The following SPOCK3 variants were observed in gnomAD, a reference collection of about 807,000 sequenced individuals.
SPOCK3 encodes the protein SPARC (osteonectin), cwcv and kazal like domains proteoglycan 3.
In SPOCK3, 30 loss-of-function variants were observed where a neutral mutation model predicts 56.6. The observed-to-expected ratio is 0.53, with a 90% CI of 0.40 to 0.72. The LOEUF (loss-of-function observed/expected upper bound fraction) is 0.72. SPOCK3 is among the 30% of genes least tolerant of loss of function. The pLI is 0.00. For missense variants in SPOCK3, 527 were observed against 530.0 expected (o/e 0.99, Z 0.06); for synonymous variants, 196 against 183.3 (o/e 1.07, Z -0.56).
intron 7 of SPOCK3, among the ~76,000 whole-genome samples, chr4:166,766,647 CTCT>C (rs1738106590): frequency 6.6e-6 from 1 of 152,150 alleles, no homozygotes; most frequent in Non-Finnish European, 1.5e-5. Flanking sequence ...GTCTAAAATT[CTCT>C]TTTTTTGCTG....
At chr4:167,058,588 T>C (rs369261709) in intron 3 of SPOCK3, among the ~76,000 whole-genome samples, 1 of 152,126 alleles carries the variant, frequency 6.6e-6, no homozygotes, top group East Asian at 1.9e-4. Flanking sequence ...AGGTAATTTA[T>C]AGATTCAATG....
Position 167,091,603 on chromosome 4 carries a change from C to T in SPOCK3, c.190-29066G>A, listed in dbSNP as rs1053651807. ...CATTAGGATATAATTTATTTAATAC[C>T]GTGTTGGACACAACTTTTTACATGT... On this transcript the variant is annotated intron_variant, in intron 2 of 10. Transcript: ENST00000357545. Among the ~76,000 whole-genome samples, 4 of 152,110 alleles carry T rather than the reference C, an allele frequency of 2.6e-5. No homozygotes were observed. The South Asian group carries it at 8.3e-4, about 32-fold the overall frequency.
chr4:166,903,715 G>A lies in SPOCK3; in HGVS notation c.474+8905C>T, dbSNP rs77541370. On this transcript the variant is annotated intron_variant, in intron 5 of 10. Transcript: ENST00000357545. ...TGTTACCTTCTAGTTTCATTTGGCT[G>A]TTTATTTGGCTTGCTTCAGATACAA... Among the ~76,000 whole-genome samples, 131 of 151,932 alleles carry A rather than the reference G, an allele frequency of 8.6e-4. 2 individuals carry two copies. In the East Asian group the frequency reaches 0.024, roughly 27 times the overall value.
chr4:166,795,716 TATC>T (rs1296133832), intron 6 of SPOCK3, among the ~76,000 whole-genome samples: 13 of 152,028 alleles, frequency 8.6e-5, no homozygotes, highest in African/African-American at 2.9e-4. Context: ...TAATAGTAAT[TATC>T]ATTTTCATGT....
chr4:167,163,494 T>C (rs948150562), intron 2 of SPOCK3, among the ~76,000 whole-genome samples: 4 of 152,030 alleles, frequency 2.6e-5, no homozygotes, highest in Non-Finnish European at 4.4e-5. Flanking sequence ...TTGACTATAG[T>C]TGGCCTGTTG....
chr4:166,911,683 GC>G (rs1453540325), intron 5 of SPOCK3, among the ~76,000 whole-genome samples: 1 of 151,888 alleles, frequency 6.6e-6, no homozygotes, highest in Non-Finnish European at 1.5e-5. Context: ...GATTACAGAT[GC>G]CCAACACCAT....
At chr4:166,852,367 A>C (rs899386412) in intron 6 of SPOCK3, among the ~76,000 whole-genome samples, 2 of 152,126 alleles carry the variant, frequency 1.3e-5, no homozygotes, top group African/African-American at 2.4e-5. Context: ...TTCCAGAGAA[A>C]CCTTGAAAAC....
At chr4:166,993,815 A>C (rs1311289010) in intron 4 of SPOCK3, among the ~76,000 whole-genome samples, 1 of 152,172 alleles carries the variant, frequency 6.6e-6, no homozygotes, top group Non-Finnish European at 1.5e-5. Context: ...TTGGGAGGGG[A>C]GACTGAATAG....
At chr4:166,800,639 T>A (rs1416128151) in intron 6 of SPOCK3, among the ~76,000 whole-genome samples, 1 of 152,144 alleles carries the variant, frequency 6.6e-6, no homozygotes, top group African/African-American at 2.4e-5. Context: ...TACAAAGATA[T>A]AACAAAAGTG....
chr4:166,748,295 C>T (rs1225418646), intron 8 of SPOCK3, among the ~76,000 whole-genome samples: 1 of 136,994 alleles, frequency 7.3e-6, no homozygotes, highest in East Asian at 2.0e-4. Context: ...GAGATATAGA[C>T]CAGTGGAACA....
chr4:167,007,545 G>A (rs962625078), intron 3 of SPOCK3, among the ~76,000 whole-genome samples: 1 of 151,968 alleles, frequency 6.6e-6, no homozygotes, highest in Non-Finnish European at 1.5e-5. Context: ...TAAGCAACAT[G>A]TCAGTCCTTA....
At chr4:166,827,244 G>A (rs1745573376) in intron 6 of SPOCK3, among the ~76,000 whole-genome samples, 1 of 151,996 alleles carries the variant, frequency 6.6e-6, no homozygotes, top group African/African-American at 2.4e-5. Context: ...AGTTTTCCTT[G>A]AATACTCAAT....
intron 3 of SPOCK3, among the ~76,000 whole-genome samples, chr4:167,015,778 T>C (rs1364376679): frequency 2.0e-5 from 3 of 152,130 alleles, no homozygotes; most frequent in Non-Finnish European, 1.5e-5. Context: ...GATAGAGTGG[T>C]TTCTGACACT....
chr4:167,197,503 G>T (rs1324794297), intron 2 of SPOCK3, among the ~76,000 whole-genome samples: 1 of 151,882 alleles, frequency 6.6e-6, no homozygotes, highest in Admixed American at 6.6e-5. Context: ...TTAAGTGTGA[G>T]AAATCTATAG....
intron 6 of SPOCK3, among the ~76,000 whole-genome samples, chr4:166,830,406 TATC>T (rs2032196938): frequency 6.6e-6 from 1 of 152,158 alleles, no homozygotes; most frequent in Admixed American, 6.6e-5. Context: ...AATCTCACTG[TATC>T]ATTCATTAAA....
intron 4 of SPOCK3, among the ~76,000 whole-genome samples, chr4:166,935,879 T>C (rs1054921248): frequency 2.0e-5 from 3 of 152,128 alleles, no homozygotes; most frequent in Admixed American, 1.3e-4. Context: ...ATAACAACAT[T>C]TGCCTAAAGG....
rs141818363 is a variant in SPOCK3 at position 166,844,071 on chromosome 4, C to T, written c.589+45059G>A. 2.8e-4 allele frequency among the ~76,000 whole-genome samples: 42 copies of T among 152,286 alleles called. 1 individual carries two copies. The East Asian group carries it at 6.2e-3, about 22-fold the overall frequency. Reference sequence around the variant, plus strand: ...AAACGCAATGTGGGCCAACAGAGTGCGGCTGAGCCAGCCCAGACTGAAAGT... The same window carrying T: ...AAACGCAATGTGGGCCAACAGAGTGTGGCTGAGCCAGCCCAGACTGAAAGT... On this transcript the variant is annotated intron_variant, in intron 6 of 10. Transcript: ENST00000357545.
chr4:167,098,796 A>C (rs1016439507), intron 2 of SPOCK3, among the ~76,000 whole-genome samples: 1 of 152,078 alleles, frequency 6.6e-6, no homozygotes. Context: ...TTCAACTCCA[A>C]AAACTATCTA....
At chr4:166,937,040 T>C (rs78566033) in intron 4 of SPOCK3, among the ~76,000 whole-genome samples, 4 of 152,120 alleles carry the variant, frequency 2.6e-5, no homozygotes, top group Non-Finnish European at 4.4e-5. Flanking sequence ...TTTTAATTGA[T>C]TGATTTTAGC....
Sources: allele counts gnomAD v4.1 joint callset (sites outside exome capture counted in the v4.1 genomes callset), GRCh38; gene constraint gnomAD v4.1.1; transcripts MANE v1.5; gene names NCBI Gene and HGNC (gene_info 2026-07-23, HGNC 2026-07-21).